Variants in TRPC4 observed in about 807,000 individuals in gnomAD.
The protein encoded by TRPC4 is transient receptor potential cation channel subfamily C member 4.
Under a neutral mutation model 99.4 loss-of-function variants are expected in TRPC4, and 49 were observed. The ratio of observed to expected loss-of-function variants is 0.49; its 90% CI spans 0.39 to 0.63. The LOEUF is 0.63. Ranked by LOEUF, TRPC4 falls within the 20% of genes least tolerant of loss-of-function variation. TRPC4 has a pLI of 0.00. For missense variants in TRPC4, 898 were observed against 1,152.9 expected (o/e 0.78, Z 3.20); for synonymous variants, 454 against 425.9 (o/e 1.07, Z -0.81).
chr13:37,775,309 G>C (rs966564638), intron 2 of TRPC4, among the ~76,000 whole-genome samples: 32 of 151,650 alleles, frequency 2.1e-4, no homozygotes, highest in African/African-American at 7.5e-4. Context: ...TATTTACCAT[G>C]CTCTTTCAAT....
chr13:37,772,440 C>T (rs1956580245), intron 2 of TRPC4, among the ~76,000 whole-genome samples: 1 of 151,614 alleles, frequency 6.6e-6, no homozygotes, highest in South Asian at 2.1e-4. Context: ...AAGTCTATGT[C>T]ATTGCAGATG....
chr13:37,754,699 A>G (rs1461396512), intron 2 of TRPC4, among the ~76,000 whole-genome samples: 1 of 152,152 alleles, frequency 6.6e-6, no homozygotes, highest in African/African-American at 2.4e-5. Flanking sequence ...GTAACTAACC[A>G]TAAGGTTGCT....
intron 2 of TRPC4, among the ~76,000 whole-genome samples, chr13:37,753,571 GAGAA>G (rs1447558098): frequency 2.5e-4 from 9 of 35,400 alleles, no homozygotes; most frequent in African/African-American, 4.2e-4. Flanking sequence ...GAGAGAGAGA[GAGAA>G]AGAGAGAGAG....
chr13:37,780,192 A>T (rs1349877997), intron 2 of TRPC4, among the ~76,000 whole-genome samples: 1 of 152,090 alleles, frequency 6.6e-6, no homozygotes, highest in East Asian at 1.9e-4. Context: ...ATGACTATGA[A>T]ATCTTTCTTT....
intron 1 of TRPC4, among the ~76,000 whole-genome samples, chr13:37,824,093 G>A (rs1416283548): frequency 6.7e-6 from 1 of 148,712 alleles, no homozygotes; most frequent in African/African-American, 2.5e-5. Context: ...TGGTGTATAA[G>A]AATGCTTGTG....
rs548354406 is a variant in TRPC4, at chr13:37,796,968, ATAAAG to A, written c.-27-13613_-27-13609del. Among the ~76,000 whole-genome samples the A allele has an allele frequency of 5.8e-3, 662 of 115,064 alleles. 16 individuals are homozygous for A. The highest frequency in any genetic ancestry group is 0.021 in the African/African-American group (560 of 26,192). 75.5% of individuals were successfully genotyped at this position (115,064 alleles called of 152,430 possible). A position where few individuals can be genotyped will look rare whatever the true frequency, so the allele number is the denominator to read the frequency against. On this transcript the variant is annotated intron_variant, in intron 1 of 10. Coordinates refer to ENST00000379705, the MANE Select transcript of TRPC4 (RefSeq NM_016179.4). ...ATAAAATAAAATAAAATAAAATAAA[ATAAAG>A]TAAAGTAAAGTAAAGTAAAGTAAAG...
At chr13:37,760,316 T>G (rs556507018) in intron 2 of TRPC4, among the ~76,000 whole-genome samples, 1 of 151,948 alleles carries the variant, frequency 6.6e-6, no homozygotes, top group African/African-American at 2.4e-5. Flanking sequence ...AAATTGGTGT[T>G]TGCCTTTTCC....
At chr13:37,639,744 C>CATATATATATATAT (rs59528300) in intron 8 of TRPC4, among the ~76,000 whole-genome samples, 44 of 146,834 alleles carry the variant, frequency 3.0e-4, no homozygotes, top group African/African-American at 1.1e-3. Flanking sequence ...ACTCTCCAAT[C>CATATATATATATAT]ATATATATAT....
intron 3 of TRPC4, among the ~76,000 whole-genome samples, chr13:37,735,769 C>CT (rs560550774): frequency 4.1e-4 from 62 of 152,184 alleles, no homozygotes; most frequent in African/African-American, 1.4e-3. Flanking sequence ...TAAAGAGCTG[C>CT]TTATGTACAT....
At chr13:37,695,779 C>T (rs1426532804) in intron 3 of TRPC4, among the ~76,000 whole-genome samples, 1 of 152,020 alleles carries the variant, frequency 6.6e-6, no homozygotes, top group Admixed American at 6.5e-5. Flanking sequence ...ATATTGAAGA[C>T]ACTATGAAAA....
intron 5 of TRPC4, among the ~76,000 whole-genome samples, chr13:37,673,562 G>A (rs970904993): frequency 2.0e-5 from 3 of 151,890 alleles, no homozygotes; most frequent in Non-Finnish European, 4.4e-5. Context: ...CAGTGAAGGA[G>A]AGAAGATAAT....
chr13:37,668,736 A>C (rs1952735478), intron 5 of TRPC4, among the ~76,000 whole-genome samples: 2 of 152,212 alleles, frequency 1.3e-5, no homozygotes, highest in South Asian at 4.1e-4. Context: ...AAATGAGTAA[A>C]AATTAAATTA....
intron 1 of TRPC4, among the ~76,000 whole-genome samples, chr13:37,792,806 A>G (rs996139641): frequency 6.6e-6 from 1 of 151,732 alleles, no homozygotes; most frequent in Non-Finnish European, 1.5e-5. Context: ...TTAAATTTGG[A>G]TGCATATATA....
In TRPC4 at chr13:37,844,407, G is replaced by T. The variant is rs564497671; in HGVS notation, c.-28+25188C>A. ...TCTCCCAGGTTCAAGCAATTATCCT[G>T]CCTCAGCCTCCCAAGTAGCTGGGAT... On this transcript the variant is annotated intron_variant, in intron 1 of 10. Transcript: ENST00000379705. 1.3e-3 allele frequency among the ~76,000 whole-genome samples: 201 copies of T among 152,126 alleles called. 1 individual carries two copies. Among genetic ancestry groups the T allele is most frequent in the Admixed American group, 4.4e-3 (67 of 15,288 alleles).
At chr13:37,706,637 C>T (rs1954289806) in intron 3 of TRPC4, among the ~76,000 whole-genome samples, 3 of 150,716 alleles carry the variant, frequency 2.0e-5, no homozygotes, top group Non-Finnish European at 4.4e-5. Flanking sequence ...CCTACCCCCA[C>T]CCCACAACAG....
chr13:37,798,058 C>T (rs1166285029), intron 1 of TRPC4, among the ~76,000 whole-genome samples: 1 of 152,040 alleles, frequency 6.6e-6, no homozygotes, highest in Non-Finnish European at 1.5e-5. Flanking sequence ...AATTCAATTA[C>T]CTCTAGGCCT....
chr13:37,673,325 T>C (rs1952927378), intron 5 of TRPC4, among the ~76,000 whole-genome samples: 1 of 152,088 alleles, frequency 6.6e-6, no homozygotes, highest in African/African-American at 2.4e-5. Context: ...GCTTCTGTCA[T>C]ACCTGAAGGT....
intron 4 of TRPC4, among the ~76,000 whole-genome samples, chr13:37,683,830 T>A (rs546695244): frequency 6.6e-6 from 1 of 152,326 alleles, no homozygotes; most frequent in Admixed American, 6.5e-5. Flanking sequence ...CTTCAAGCCA[T>A]GGGTCAGGCC....
At chr13:37,671,691 T>G (rs892046612) in intron 5 of TRPC4, among the ~76,000 whole-genome samples, 1 of 152,212 alleles carries the variant, frequency 6.6e-6, no homozygotes, top group African/African-American at 2.4e-5. Context: ...TTATTTTTCT[T>G]ATTTTATGGA....
Sources: allele counts gnomAD v4.1 joint callset (sites outside exome capture counted in the v4.1 genomes callset), GRCh38; gene constraint gnomAD v4.1.1; transcripts MANE v1.5; gene names NCBI Gene and HGNC (gene_info 2026-07-23, HGNC 2026-07-21).